The following ITPA variants were observed in gnomAD, a reference collection of about 807,000 sequenced individuals.
ITPA encodes the protein inosine triphosphate pyrophosphatase.
In ITPA, 29 loss-of-function variants were observed where a neutral mutation model predicts 29.6. The observed-to-expected ratio is 0.98, with a 90% CI of 0.73 to 1.34. The LOEUF is 1.34. ITPA is among the 40% of genes most tolerant of loss of function. The pLI is 0.00. For synonymous variants in ITPA, 103 were observed against 99.3 expected (o/e 1.04, Z -0.22); for missense variants, 241 against 251.5 (o/e 0.96, Z 0.28).
At chr20:3,222,743 A>C (rs2067497832) in intron 7 of ITPA, among the ~76,000 whole-genome samples, 1 of 152,222 alleles carries the variant, frequency 6.6e-6, no homozygotes, top group Non-Finnish European at 1.5e-5. Context: ...TAGCCCCAGC[A>C]GGGGTGAGGA....
chr20:3,209,327 G>A, upstream of ITPA: 2 of 623,854 alleles, frequency 3.2e-6, no homozygotes, highest in Non-Finnish European at 2.9e-6. The surrounding 1 kb of genome is among the most constrained non-coding windows in gnomAD (Gnocchi z 4.6). Flanking sequence ...AGGAGGGGTG[G>A]GTCACTCAGT....
rs1456656667 is a variant in ITPA, at chr20:3,213,996, C to T, written c.201C>T (p.Pro67=). The part of the protein sequence containing the change: ...CQEAVRQVQG[P]VLVEDTCLCF... ...TCTTTGTGCTGCAGGTACAGGGGCC[C>T]GTGCTGGTTGAGGACACTTGTCTGT... Residue 67 remains proline (P), a synonymous_variant, in exon 4 of 8, where the codon CCC becomes CCT. Transcript: ENST00000380113. The T allele has an allele frequency of 1.1e-5, 18 of 1,614,028 alleles. No homozygotes were observed. The highest frequency in any genetic ancestry group is 4.0e-5 in the African/African-American group (3 of 74,932).
Position 3,209,759 on chromosome 20 carries a change from G to A in ITPA, c.66+142G>A, listed in dbSNP as rs576362922. Reference sequence around the variant, plus strand: ...CGGAAGAATGGGTCCTGACCCGGCTGTGTGGAAAAGCTGGGGCGCAAGAAG... The same window carrying A: ...CGGAAGAATGGGTCCTGACCCGGCTATGTGGAAAAGCTGGGGCGCAAGAAG... On this transcript the variant is annotated intron_variant, in intron 1 of 7. Coordinates refer to ENST00000380113, the MANE Select transcript of ITPA (RefSeq NM_033453.4). This position sits in a 1 kb window ranked among gnomAD's most constrained non-coding sequence, Gnocchi z 4.6. The A allele has an allele frequency of 3.2e-4, 225 of 711,832 alleles. 2 individuals carry two copies. The highest frequency in any genetic ancestry group is 5.7e-4 in the Admixed American group (20 of 35,132). 44.1% of individuals were successfully genotyped at this position (711,832 alleles called of 1,614,324 possible). A position where few individuals can be genotyped will look rare whatever the true frequency, so the allele number is the denominator to read the frequency against.
At chr20:3,205,333 TTTC>T (rs1182863378), upstream of ITPA, among the ~76,000 whole-genome samples, 9 of 151,864 alleles carry the variant, frequency 5.9e-5, no homozygotes, top group East Asian at 1.2e-3. Context: ...TCTTTCTTTC[TTTC>T]TTTTGAGGGG....
chr20:3,207,443 C>T (rs2067080342), upstream of ITPA, among the ~76,000 whole-genome samples: 1 of 152,152 alleles, frequency 6.6e-6, no homozygotes, highest in Non-Finnish European at 1.5e-5. Flanking sequence ...CCTGTAATCT[C>T]AGCACTTTGG....
intron 5 of ITPA, among the ~76,000 whole-genome samples, chr20:3,217,994 T>C (rs1456738626): frequency 6.6e-6 from 1 of 151,436 alleles, no homozygotes; most frequent in Non-Finnish European, 1.5e-5. Context: ...CTCGGCTCAC[T>C]GCAAGCTCCG....
At chr20:3,213,462 G>T in intron 3 of ITPA, 79 bp downstream of exon 3, 1 of 1,547,594 alleles carries the variant, frequency 6.5e-7, no homozygotes, top group South Asian at 1.1e-5. Context: ...AGAAACAATA[G>T]AGTAGACACA....
intron 5 of ITPA, among the ~76,000 whole-genome samples, chr20:3,218,084 AT>A (rs1385195117): frequency 6.6e-6 from 1 of 151,704 alleles, no homozygotes; most frequent in Non-Finnish European, 1.5e-5. Flanking sequence ...CGCCCGGCTA[AT>A]TTTTTTGTAT....
upstream of ITPA, among the ~76,000 whole-genome samples, chr20:3,206,842 AAAG>A (rs1470993062): frequency 5.3e-5 from 8 of 150,990 alleles, no homozygotes; most frequent in Non-Finnish European, 7.4e-5. Context: ...AAAAAAAAAA[AAAG>A]AAGAAGAAAG....
At chr20:3,204,742 A>G (rs952633737), upstream of ITPA, 3 of 1,027,566 alleles carry the variant, frequency 2.9e-6, no homozygotes, top group South Asian at 3.0e-5. Context: ...GCCCAGCGGC[A>G]CATCACAGAG....
At chr20:3,204,919 C>T (rs1399646257), upstream of ITPA, among the ~76,000 whole-genome samples, 1 of 151,650 alleles carries the variant, frequency 6.6e-6, no homozygotes, top group Non-Finnish European at 1.5e-5. Flanking sequence ...GGTGCGATCT[C>T]GGCTCACTGC....
upstream of ITPA, among the ~76,000 whole-genome samples, chr20:3,208,155 T>C (rs2067096807): frequency 6.6e-6 from 1 of 151,200 alleles, no homozygotes; most frequent in Non-Finnish European, 1.5e-5. Flanking sequence ...TCAGGGAAGG[T>C]TTTCCTGAGC....
At chr20:3,214,869 G>A (rs1300113246) in intron 4 of ITPA, among the ~76,000 whole-genome samples, 4 of 148,418 alleles carry the variant, frequency 2.7e-5, no homozygotes, top group Non-Finnish European at 4.5e-5. Flanking sequence ...ATGAGCCACC[G>A]CGCCCGGCCT....
chr20:3,209,322 G>A (rs1600487317), upstream of ITPA: 3 of 617,198 alleles, frequency 4.9e-6, no homozygotes, highest in East Asian at 5.7e-5. The surrounding 1 kb of genome is among the most constrained non-coding windows in gnomAD (Gnocchi z 4.6). Flanking sequence ...TAGGCAGGAG[G>A]GGTGGGTCAC....
intron 5 of ITPA, 85 bp from the exon 6 acceptor site, chr20:3,218,432 C>A: frequency 2.0e-6 from 2 of 976,860 alleles, no homozygotes; most frequent in Non-Finnish European, 3.3e-6. Context: ...GGAATTCCTC[C>A]CTCCCCACCC....
downstream of ITPA, among the ~76,000 whole-genome samples, chr20:3,225,263 C>T (rs188106240): frequency 6.6e-6 from 1 of 152,160 alleles, no homozygotes; most frequent in African/African-American, 2.4e-5. Context: ...CTTTAAAATC[C>T]TCAGAAACTC....
At chr20:3,213,562 A>G (rs1382374564) in intron 3 of ITPA, 179 bp downstream of exon 3, 2 of 718,532 alleles carry the variant, frequency 2.8e-6, no homozygotes, top group Non-Finnish European at 4.8e-6. Context: ...CCAGCCTTGA[A>G]TACATGGTAT....
At chr20:3,213,861 T>C (rs2122326989) in intron 3 of ITPA, 124 bp from the exon 4 acceptor site, 1 of 948,282 alleles carries the variant, frequency 1.1e-6, no homozygotes, top group South Asian at 1.3e-5. Flanking sequence ...GCTCCCATGG[T>C]GCTGTCTGCC....
chr20:3,223,550 T>C lies in ITPA; in HGVS notation c.*88T>C. 1.0e-6 allele frequency: 1 copy of C among 983,652 alleles called. No individual in the cohort carries two copies. The highest frequency in any genetic ancestry group is 1.6e-6 in the Non-Finnish European group (1 of 636,596). The allele number at this position is 983,652 out of a possible 1,614,324, so 60.9% of individuals were successfully genotyped here. On this transcript the variant is annotated 3_prime_UTR_variant, in exon 8 of 8. Coordinates refer to ENST00000380113, the MANE Select transcript of ITPA (RefSeq NM_033453.4). ...CGCATCGGGCAGGCACCCCCTGAAGTACTTCCTTCAGGGTTTCCCCTTTGT... is the reference window on the plus strand; with the variant it reads ...CGCATCGGGCAGGCACCCCCTGAAGCACTTCCTTCAGGGTTTCCCCTTTGT...
Sources: gnomAD v4.1 joint callset for allele counts (sites outside exome capture counted in the v4.1 genomes callset) on GRCh38, gnomAD v4.1.1 for gene constraint, Gnocchi (gnomAD v3.1) non-coding constraint, MANE v1.5 for transcripts, NCBI Gene and HGNC (gene_info 2026-07-23, HGNC 2026-07-21) for gene names.